CCDC18: variants seen among roughly 807,000 people sequenced by gnomAD.
CCDC18 encodes the protein coiled-coil domain containing 18.
Under a neutral mutation model 196.0 loss-of-function variants are expected in CCDC18, and 157 were observed. The ratio of observed to expected loss-of-function variants is 0.80; its 90% CI spans 0.70 to 0.91. The LOEUF (loss-of-function observed/expected upper bound fraction) is 0.91, where lower values mean the gene tolerates loss of function less well. Ranked by LOEUF, CCDC18 falls within the 40% of genes least tolerant of loss-of-function variation. The pLI, the probability that CCDC18 is intolerant of heterozygous loss-of-function variation, is 0.00. For synonymous variants in CCDC18, 482 were observed against 529.2 expected (o/e 0.91, Z 1.22); for missense variants, 1,465 against 1,611.6 (o/e 0.91, Z 1.56).
Position 93,207,210 on chromosome 1 carries a change from T to A in CCDC18, c.1021T>A (p.Leu341Met). 6.2e-7 allele frequency: 1 copy of A among 1,613,060 alleles called. No individual in the cohort carries two copies. ...ACTAACTGAATCTAGACAAAGTATT[T>A]TGAAGCTAGAGAGTGAGTTAGAGAA... is the stretch of plus-strand genomic sequence containing the variant. ...AQLTESRQSI[L>M]KLESELENKD... The change falls in exon 9 of 29, where the codon TTG (leucine) becomes ATG (methionine). Residue 341 changes from leucine (L) to methionine (M), a missense_variant. Transcript: ENST00000690025.
At chr1:93,250,597 G>T (rs184674559) in intron 23 of CCDC18, among the ~76,000 whole-genome samples, 1 of 152,078 alleles carries the variant, frequency 6.6e-6, no homozygotes, top group Admixed American at 6.5e-5. Context: ...CCACCTATTT[G>T]TCCCTTGAGA....
At chr1:93,234,113 A>C (rs1659659351) in intron 18 of CCDC18, among the ~76,000 whole-genome samples, 1 of 151,340 alleles carries the variant, frequency 6.6e-6, no homozygotes, top group African/African-American at 2.4e-5. Flanking sequence ...TAATGGTTGT[A>C]TGGTTTTTTC....
intron 8 of CCDC18, 127 bp downstream of exon 8, chr1:93,205,758 T>C: frequency 1.2e-6 from 1 of 824,450 alleles, no homozygotes; most frequent in Non-Finnish European, 1.9e-6. Flanking sequence ...GCTTCATGAC[T>C]GAAACTGTTT....
chr1:93,230,795 GA>G lies in CCDC18; in HGVS notation c.2293-1624del, dbSNP rs965073846. Reference sequence around the variant, plus strand: ...GTATGAAACAGGATGTTCCAATAAAGAAAAAAAGAGTATTTAAACCTGTCTT... The same window carrying G: ...GTATGAAACAGGATGTTCCAATAAAGAAAAAAGAGTATTTAAACCTGTCTT... On this transcript the variant is annotated intron_variant, in intron 17 of 28. Transcript: ENST00000690025. Among the ~76,000 whole-genome samples, 24 of 151,976 alleles carry G rather than the reference GA, an allele frequency of 1.6e-4. 1 individual carries two copies. Among genetic ancestry groups the G allele is most frequent in the Non-Finnish European group, 1.2e-4 (8 of 67,940 alleles).
intron 18 of CCDC18, among the ~76,000 whole-genome samples, chr1:93,232,830 G>A (rs1168546111): frequency 6.6e-6 from 1 of 152,182 alleles, no homozygotes; most frequent in Non-Finnish European, 1.5e-5. Context: ...ACTTAGCCAG[G>A]CATTGTGGCA....
chr1:93,254,898 A>G (rs945923240), intron 24 of CCDC18, among the ~76,000 whole-genome samples: 1 of 146,970 alleles, frequency 6.8e-6, no homozygotes, highest in Non-Finnish European at 1.5e-5. Context: ...TGGTTGACAA[A>G]TATTTATTGA....
chr1:93,221,563 CA>C, intron 14 of CCDC18, 45 bp from the exon 15 acceptor site: 1 of 1,310,972 alleles, frequency 7.6e-7, no homozygotes, highest in South Asian at 1.7e-5. Flanking sequence ...TAAAATGTTT[CA>C]AAATTTTAAA....
upstream of CCDC18, chr1:93,180,679 G>C (rs1238629644): frequency 7.4e-7 from 1 of 1,342,636 alleles, no homozygotes; most frequent in Non-Finnish European, 9.9e-7. Flanking sequence ...TCTGCGCCGG[G>C]GCGGGGCAGT....
chr1:93,208,419 C>G (rs1265570726), intron 9 of CCDC18, among the ~76,000 whole-genome samples: 2 of 151,524 alleles, frequency 1.3e-5, no homozygotes, highest in East Asian at 3.9e-4. Context: ...GCAACCTCCA[C>G]CTCCCAGGTT....
intron 16 of CCDC18, among the ~76,000 whole-genome samples, chr1:93,223,970 A>G (rs1657887943): frequency 6.6e-6 from 1 of 151,938 alleles, no homozygotes; most frequent in South Asian, 2.1e-4. Context: ...ACAATGCAAG[A>G]TGTTTATCTG....
chr1:93,207,545 T>C (rs1252730205), intron 9 of CCDC18, 147 bp downstream of exon 9: 8 of 578,926 alleles, frequency 1.4e-5, no homozygotes, highest in Non-Finnish European at 2.0e-5. Context: ...TAAATCTCTA[T>C]TTTTTTTCCT....
In CCDC18 at chr1:93,236,197, A is replaced by G. The variant is rs1046786888; in HGVS notation, c.2461-51A>G. ...TGATAAGCTAGGTTACATATTTATAAAAGTATTTTTCTTCTGAATTTAAAA... is the reference window on the plus strand; with the variant it reads ...TGATAAGCTAGGTTACATATTTATAGAAGTATTTTTCTTCTGAATTTAAAA... On this transcript the variant is annotated intron_variant, in intron 18 of 28. Transcript: ENST00000690025. 9.0e-6 allele frequency: 13 copies of G among 1,446,910 alleles called. No individual in the cohort carries two copies. The East Asian group carries it at 1.5e-4, about 16-fold the overall frequency. The allele number at this position is 1,446,910 out of a possible 1,614,324, so 89.6% of individuals were successfully genotyped here.
intron 9 of CCDC18, among the ~76,000 whole-genome samples, chr1:93,208,027 G>A (rs1363933191): frequency 9.4e-6 from 1 of 106,402 alleles, no homozygotes; most frequent in Non-Finnish European, 2.5e-5. Flanking sequence ...ACTGGCTGAT[G>A]GACATTTGGA....
At chr1:93,203,740 A>T (rs1021541422) in intron 7 of CCDC18, among the ~76,000 whole-genome samples, 2 of 152,108 alleles carry the variant, frequency 1.3e-5, no homozygotes, top group Non-Finnish European at 2.9e-5. Context: ...CTGAGGTAGA[A>T]GGATTGCTTG....
chr1:93,180,855 G>C lies in CCDC18; in HGVS notation c.-3+3G>C. ...AGTGCGAAGCGCGCAGTCGCCGGGTGGGTCTCTCCCCAGCGACGATTTGGG... is the reference window on the plus strand; with the variant it reads ...AGTGCGAAGCGCGCAGTCGCCGGGTCGGTCTCTCCCCAGCGACGATTTGGG... On this transcript the variant is annotated splice_donor_region_variant and intron_variant, in intron 1 of 28. Coordinates refer to ENST00000690025, the MANE Select transcript of CCDC18 (RefSeq NM_001378204.1). 2 of 1,366,204 alleles carry C rather than the reference G, an allele frequency of 1.5e-6. No individual in the cohort carries two copies. Among genetic ancestry groups the C allele is most frequent in the Non-Finnish European group, 2.0e-6 (2 of 1,021,984 alleles). The allele number at this position is 1,366,204 out of a possible 1,614,324, so 84.6% of individuals were successfully genotyped here.
At chr1:93,212,339 A>T in intron 11 of CCDC18, 78 bp downstream of exon 11, 1 of 1,008,410 alleles carries the variant, frequency 9.9e-7, no homozygotes, top group Non-Finnish European at 1.4e-6. Context: ...ACTTTTATTT[A>T]AATTTTTTTT....
intron 18 of CCDC18, among the ~76,000 whole-genome samples, chr1:93,235,592 T>C (rs1056289814): frequency 6.6e-6 from 1 of 151,884 alleles, no homozygotes. Flanking sequence ...TAAAGGGTAG[T>C]AGGTAGAGGG....
In CCDC18 at chr1:93,193,617, G is replaced by C. The variant is rs763224976; in HGVS notation, c.571G>C (p.Glu191Gln). Reference protein sequence around the residue: ...EVSAQDKVLREAENKLEQSQK... With the variant: ...EVSAQDKVLRQAENKLEQSQK... ...AACAAAGTATCCTTTATTTTATAGA[G>C]AGGCAGAAAATAAGCTGGAACAGAG... Residue 191 changes from glutamate to glutamine, a missense_variant and splice_region_variant, in exon 6 of 29, where the codon GAG (glutamate) becomes CAG (glutamine). Physicochemically the swap from Glu to Gln is conservative, Grantham distance 29. Coordinates refer to ENST00000690025, the MANE Select transcript of CCDC18 (RefSeq NM_001378204.1). 1 of 1,574,100 alleles carries C rather than the reference G, an allele frequency of 6.4e-7. No individual in the cohort carries two copies. The highest frequency in any genetic ancestry group is 8.6e-7 in the Non-Finnish European group (1 of 1,162,804).
At chr1:93,182,982 A>G (rs1004861431) in intron 1 of CCDC18, among the ~76,000 whole-genome samples, 3 of 152,184 alleles carry the variant, frequency 2.0e-5, no homozygotes, top group African/African-American at 2.4e-5. Flanking sequence ...CTTGGATTCA[A>G]ATCTTGATTT....
Sources: gnomAD v4.1 joint callset for allele counts (sites outside exome capture counted in the v4.1 genomes callset) on GRCh38, gnomAD v4.1.1 for gene constraint, MANE v1.5 for transcripts, NCBI Gene and HGNC (gene_info 2026-07-23, HGNC 2026-07-21) for gene names.